Variants in HACE1 observed in about 807,000 individuals in gnomAD.
HACE1 encodes HECT domain and ankyrin repeat containing E3 ubiquitin protein ligase 1.
A neutral mutation model predicts 118.4 loss-of-function variants in HACE1; 73 were observed. The observed-to-expected ratio is 0.62, with a 90% CI of 0.51 to 0.75. HACE1 has a LOEUF of 0.75. Among genes scored for constraint, HACE1 ranks in the 30% least tolerant of loss-of-function variants. HACE1 has a pLI of 0.00. For missense variants in HACE1, 749 were observed against 1,102.2 expected (o/e 0.68, Z 4.54); for synonymous variants, 368 against 374.8 (o/e 0.98, Z 0.21).
intron 22 of HACE1, among the ~76,000 whole-genome samples, chr6:104,737,753 G>A (rs1776080073): frequency 6.6e-6 from 1 of 152,200 alleles, no homozygotes; most frequent in Non-Finnish European, 1.5e-5. Context: ...GCTGGGGGAG[G>A]GGCGCCCGCC....
At chr6:104,785,406 A>G in intron 11 of HACE1, 87 bp from the exon 12 acceptor site, 1 of 776,492 alleles carries the variant, frequency 1.3e-6, no homozygotes, top group South Asian at 1.6e-5. Context: ...GACAAATATT[A>G]TAGAAGAGAA....
chr6:104,775,183 A>C (rs1781099958), intron 17 of HACE1, among the ~76,000 whole-genome samples: 1 of 152,146 alleles, frequency 6.6e-6, no homozygotes, highest in Non-Finnish European at 1.5e-5. Context: ...CTCCACAAAA[A>C]GAATAGAGAA....
intron 7 of HACE1, among the ~76,000 whole-genome samples, chr6:104,799,789 C>T (rs770183744): frequency 5.9e-5 from 9 of 151,960 alleles, no homozygotes; most frequent in South Asian, 2.1e-4. Context: ...TGAACAGCTC[C>T]GGTCTGCAGC....
At position 104,850,900 on chromosome 6, in the gene HACE1, G is replaced by C. The variant is rs1300917719; in HGVS notation, c.221+7C>G. 6.5e-7 allele frequency: 1 copy of C among 1,531,420 alleles called. No individual in the cohort carries two copies. Among genetic ancestry groups the C allele is most frequent in the Admixed American group, 1.7e-5 (1 of 59,912 alleles). 94.9% of individuals were successfully genotyped at this position (1,531,420 alleles called of 1,614,324 possible). ...CAGAGTTTAACTCAAAATATCTTTAGTCTTACTTTGCTGCAATGTGAAGCA... is the reference window on the plus strand; with the variant it reads ...CAGAGTTTAACTCAAAATATCTTTACTCTTACTTTGCTGCAATGTGAAGCA... On this transcript the variant is annotated splice_region_variant and intron_variant, in intron 3 of 23. Coordinates refer to ENST00000262903, the MANE Select transcript of HACE1 (RefSeq NM_020771.4).
At chr6:104,744,676 G>C in intron 20 of HACE1, 66 bp from the exon 21 acceptor site, 1 of 920,540 alleles carries the variant, frequency 1.1e-6, no homozygotes, top group South Asian at 1.4e-5. Flanking sequence ...TATTTAAGTG[G>C]TAAATTTGCC....
chr6:104,785,305 A>G lies in HACE1; in HGVS notation c.1089T>C (p.Leu363=). The change falls in exon 12 of 24, where the codon CTT becomes CTC. Residue 363 remains leucine (L), a synonymous_variant. Coordinates refer to ENST00000262903, the MANE Select transcript of HACE1 (RefSeq NM_020771.4). ...CTAGCCATTCATCTAACGAGTGCCA[A>G]AGCAATTCCAGAGGCTGAGAGAAAC... The part of the protein sequence containing the change: ...RSQVFKPLEL[L]WHSLDEWLVL... The G allele has an allele frequency of 6.2e-7, 1 of 1,600,580 alleles. No homozygotes were observed. Among genetic ancestry groups the G allele is most frequent in the Non-Finnish European group, 8.6e-7 (1 of 1,168,096 alleles).
chr6:104,780,782 T>C (rs949842195), intron 14 of HACE1, among the ~76,000 whole-genome samples: 5 of 152,200 alleles, frequency 3.3e-5, no homozygotes, highest in African/African-American at 7.2e-5. Flanking sequence ...TGTCCTCTTA[T>C]TGCAAAATGA....
At chr6:104,849,787 T>C (rs1181947054) in intron 3 of HACE1, among the ~76,000 whole-genome samples, 6 of 151,750 alleles carry the variant, frequency 4.0e-5, no homozygotes, top group Admixed American at 2.0e-4. Context: ...TAGCTGGGAC[T>C]ACAGGCACCT....
At chr6:104,836,283 G>T (rs951841594) in intron 5 of HACE1, among the ~76,000 whole-genome samples, 5 of 152,132 alleles carry the variant, frequency 3.3e-5, no homozygotes, top group Non-Finnish European at 7.3e-5. Context: ...GAAAGGTACT[G>T]AATACATATT....
At chr6:104,742,469 A>C (rs1776868818) in intron 22 of HACE1, among the ~76,000 whole-genome samples, 1 of 152,036 alleles carries the variant, frequency 6.6e-6, no homozygotes, top group Non-Finnish European at 1.5e-5. Context: ...TTACAAGAAA[A>C]AAACAAACAA....
At position 104,729,721 on chromosome 6, in the gene HACE1, G is replaced by GT; in HGVS notation, c.2670dup (p.Leu891ThrfsTer28). On this transcript the variant is annotated frameshift_variant, in exon 24 of 24. Coordinates refer to ENST00000262903, the MANE Select transcript of HACE1 (RefSeq NM_020771.4). LOFTEE classifies it high-confidence loss of function. Reference sequence around the variant, plus strand: ...AGTGCCACAAGAAGTCTGTCCTTGAGTATTTCTTTACTTGGGTATTCAGGT... The same window carrying GT: ...AGTGCCACAAGAAGTCTGTCCTTGAGTTATTTCTTTACTTGGGTATTCAGGT... 1 of 1,583,268 alleles carries GT rather than the reference G, an allele frequency of 6.3e-7. No homozygotes were observed.
intron 4 of HACE1, among the ~76,000 whole-genome samples, chr6:104,843,766 A>G (rs1312453395): frequency 1.3e-5 from 2 of 152,160 alleles, no homozygotes; most frequent in Non-Finnish European, 2.9e-5. Context: ...ATGCATGTCT[A>G]TGCATCCCTC....
intron 14 of HACE1, among the ~76,000 whole-genome samples, chr6:104,778,249 A>C (rs1394993760): frequency 6.6e-6 from 1 of 152,146 alleles, no homozygotes; most frequent in East Asian, 1.9e-4. Flanking sequence ...TTTTTGATTA[A>C]TCAGAAAGTA....
chr6:104,806,117 T>G (rs1442934518), intron 7 of HACE1, among the ~76,000 whole-genome samples: 1 of 152,104 alleles, frequency 6.6e-6, no homozygotes, highest in Non-Finnish European at 1.5e-5. Context: ...TGGAGTAATT[T>G]CTAAAACCAC....
chr6:104,851,689 C>CA (rs1321652109), intron 2 of HACE1, among the ~76,000 whole-genome samples: 1 of 151,246 alleles, frequency 6.6e-6, no homozygotes, highest in Non-Finnish European at 1.5e-5. Context: ...GAAAATCAGA[C>CA]AAAAAACATT....
chr6:104,765,479 G>A (rs911051302), intron 19 of HACE1, among the ~76,000 whole-genome samples: 1 of 152,158 alleles, frequency 6.6e-6, no homozygotes, highest in Non-Finnish European at 1.5e-5. Context: ...CAACAAAATA[G>A]TGATATTTTA....
chr6:104,751,078 C>A (rs144906964), intron 19 of HACE1, among the ~76,000 whole-genome samples: 196 of 152,260 alleles, frequency 1.3e-3, no homozygotes, highest in Non-Finnish European at 2.0e-3. Flanking sequence ...TTTCCATTCT[C>A]CCCCTAGTTC....
intron 19 of HACE1, among the ~76,000 whole-genome samples, chr6:104,760,746 G>A (rs1026832746): frequency 1.4e-4 from 22 of 152,190 alleles, no homozygotes; most frequent in African/African-American, 4.3e-4. Context: ...AGGAAGAGAG[G>A]AAGTCAAATT....
chr6:104,819,062 C>A (rs1250274028), intron 6 of HACE1, among the ~76,000 whole-genome samples: 2 of 152,080 alleles, frequency 1.3e-5, no homozygotes, highest in African/African-American at 2.4e-5. Context: ...GAGAAAAAAA[C>A]AAAAGGCCAA....
Sources: allele counts gnomAD v4.1 joint callset (sites outside exome capture counted in the v4.1 genomes callset), GRCh38; gene constraint gnomAD v4.1.1; transcripts MANE v1.5; gene names NCBI Gene and HGNC (gene_info 2026-07-23, HGNC 2026-07-21).